FBN2: variants seen among roughly 807,000 people sequenced by gnomAD.
The protein encoded by FBN2 is fibrillin-2.
FBN2 carries 105 observed loss-of-function variants against 355.6 expected under a neutral mutation model. The ratio of observed to expected loss-of-function variants is 0.30; its 90% CI spans 0.25 to 0.35. The LOEUF is 0.35. Ranked by LOEUF, FBN2 falls within the 10% of genes least tolerant of loss-of-function variation. The pLI, the probability that FBN2 is intolerant of heterozygous loss-of-function variation, is 1.00. For missense variants in FBN2, 3,280 were observed against 3,758.7 expected, an observed-to-expected ratio of 0.87 and a Z score of 3.33; for synonymous variants, 1,350 against 1,301.2, an observed-to-expected ratio of 1.04 and a Z score of -0.81.
In FBN2 at chr5:128,502,287, C is replaced by CA. The variant is rs11306554; in HGVS notation, c.628+16985dup. ...GCTTTTCACTAAAACTTATACAGAACAAAAAAAAAAAAATAATTATAAAGT... is the reference window on the plus strand; with the variant it reads ...GCTTTTCACTAAAACTTATACAGAACAAAAAAAAAAAAAATAATTATAAAGT... On this transcript the variant is annotated intron_variant, in intron 5 of 64. Transcript: ENST00000262464. Among the ~76,000 whole-genome samples the CA allele has an allele frequency of 3.2e-3, 461 of 146,202 alleles. 2 individuals carry two copies. The highest frequency in any genetic ancestry group is 5.4e-3 in the Non-Finnish European group (353 of 65,476).
At chr5:128,448,266 C>G (rs973622994) in intron 6 of FBN2, among the ~76,000 whole-genome samples, 3 of 152,100 alleles carry the variant, frequency 2.0e-5, no homozygotes, top group Non-Finnish European at 4.4e-5. Context: ...TTTCTTCTTT[C>G]CTGCCAATAC....
intron 20 of FBN2, among the ~76,000 whole-genome samples, chr5:128,356,498 T>G (rs1002237406): frequency 2.6e-5 from 4 of 152,242 alleles, no homozygotes; most frequent in African/African-American, 9.6e-5. Context: ...CTATTTGGAA[T>G]ATATATTTAG....
chr5:128,274,874 C>T (rs888540089), intron 59 of FBN2, among the ~76,000 whole-genome samples, 191 bp from the exon 60 acceptor site: 23 of 152,124 alleles, frequency 1.5e-4, no homozygotes, highest in African/African-American at 4.1e-4. Context: ...ATAAATATTA[C>T]GGGCTAGGAT....
intron 16 of FBN2, among the ~76,000 whole-genome samples, chr5:128,368,806 G>C (rs1219622522): frequency 6.6e-6 from 1 of 151,572 alleles, no homozygotes; most frequent in Non-Finnish European, 1.5e-5. Flanking sequence ...TAGTAGCTGG[G>C]ACTACAGGTG....
intron 39 of FBN2, 107 bp downstream of exon 39, chr5:128,311,193 C>T (rs1750046775): frequency 1.7e-6 from 2 of 1,201,234 alleles, no homozygotes; most frequent in African/African-American, 1.5e-5. Flanking sequence ...ATGAACCAAT[C>T]TTAATTGAGC....
chr5:128,428,925 C>A (rs926884674), intron 7 of FBN2, among the ~76,000 whole-genome samples: 3 of 152,176 alleles, frequency 2.0e-5, no homozygotes, highest in African/African-American at 7.2e-5. Context: ...GGGATAATAA[C>A]TCCTCTACCT....
chr5:128,509,681 T>C (rs977321946), intron 5 of FBN2, among the ~76,000 whole-genome samples: 1 of 152,170 alleles, frequency 6.6e-6, no homozygotes, highest in Non-Finnish European at 1.5e-5. Flanking sequence ...TAGTGCTTAA[T>C]ATTTTTGTAT....
intron 8 of FBN2, among the ~76,000 whole-genome samples, chr5:128,404,914 T>A (rs1581267764): frequency 6.6e-6 from 1 of 152,192 alleles, no homozygotes; most frequent in Non-Finnish European, 1.5e-5. Context: ...GCTCATGCCT[T>A]TAATTCCAGC....
In FBN2 at chr5:128,305,823, C is replaced by T. The variant is rs1336552018; in HGVS notation, c.5548G>A (p.Asp1850Asn). Residue 1850 changes from aspartate to asparagine, a missense_variant and splice_region_variant, in exon 43 of 65, where the codon GAT becomes AAT. By Grantham distance (23) the Asp-to-Asn change is conservative (BLOSUM62 1). Transcript: ENST00000262464. ...SYNDLLLVCE[D>N]IDECSNGDNL... ...AAAGGACATACTTTATTCAGATTACCTTCACAAACCAACAGCAGGTCATTG... is the reference window on the plus strand; with the variant it reads ...AAAGGACATACTTTATTCAGATTACTTTCACAAACCAACAGCAGGTCATTG... The T allele has an allele frequency of 6.2e-7, 1 of 1,613,916 alleles. No individual in the cohort carries two copies. Among genetic ancestry groups the T allele is most frequent in the Admixed American group, 1.7e-5 (1 of 60,000 alleles).
intron 39 of FBN2, 70 bp from the exon 40 acceptor site, chr5:128,310,178 C>T: frequency 7.6e-7 from 1 of 1,318,710 alleles, no homozygotes; most frequent in Admixed American, 1.8e-5. Flanking sequence ...ACTTAGATGA[C>T]TGAACAAAGC....
At chr5:128,437,773 TATAGATAG>T (rs68027593) in intron 7 of FBN2, among the ~76,000 whole-genome samples, 28,844 of 148,024 alleles carry the variant, frequency 0.19, 3,065 homozygotes, top group Admixed American at 0.32. Flanking sequence ...AGTATGTATG[TATAGATAG>T]ATAGATAGAT....
intron 11 of FBN2, among the ~76,000 whole-genome samples, chr5:128,385,869 C>A (rs1013538333): frequency 3.3e-5 from 5 of 151,812 alleles, no homozygotes; most frequent in East Asian, 1.9e-4. Flanking sequence ...TGTCCTTTAC[C>A]CATTATTTAA....
At chr5:128,426,948 C>A (rs1292964569) in intron 7 of FBN2, among the ~76,000 whole-genome samples, 1 of 152,194 alleles carries the variant, frequency 6.6e-6, no homozygotes. Context: ...TTGGACTTCT[C>A]TAGCAAAATG....
At chr5:128,479,329 T>C (rs766162137) in intron 5 of FBN2, among the ~76,000 whole-genome samples, 3 of 152,188 alleles carry the variant, frequency 2.0e-5, no homozygotes, top group Non-Finnish European at 2.9e-5. Flanking sequence ...TATATTCCTG[T>C]GTAGGCCTTT....
intron 7 of FBN2, among the ~76,000 whole-genome samples, chr5:128,427,807 T>G (rs55772982): frequency 2.4e-4 from 36 of 152,280 alleles, no homozygotes; most frequent in Non-Finnish European, 5.1e-4. Context: ...CTGCCTGATT[T>G]TCCCTGCTGG....
chr5:128,287,409 T>C lies in FBN2; in HGVS notation c.6779A>G (p.Asn2260Ser). 1 of 1,613,988 alleles carries C rather than the reference T, an allele frequency of 6.2e-7. No individual in the cohort carries two copies. The highest frequency in any genetic ancestry group is 8.5e-7 in the Non-Finnish European group (1 of 1,179,902). ...GCAGCGGAAAGCACACAGCAGTGGG[T>C]TCTGGGCACATTCGTTGATATCTGA... ...NCEDINECAQ[N>S]PLLCAFRCMN... The change falls in exon 54 of 65, where the codon AAC (asparagine) becomes AGC (serine). Residue 2260 changes from asparagine to serine, a missense_variant. By Grantham distance (46) the Asn-to-Ser change is conservative. Transcript: ENST00000262464.
At chr5:128,458,768 G>A (rs1328921452) in intron 6 of FBN2, among the ~76,000 whole-genome samples, 1 of 152,012 alleles carries the variant, frequency 6.6e-6, no homozygotes, top group African/African-American at 2.4e-5. Flanking sequence ...AAGAGACAAC[G>A]TACCAGAATC....
chr5:128,438,973 TACAC>T (rs939771046), intron 7 of FBN2, among the ~76,000 whole-genome samples: 1 of 151,878 alleles, frequency 6.6e-6, no homozygotes. Flanking sequence ...CACACACACA[TACAC>T]ACACACACTT....
intron 5 of FBN2, among the ~76,000 whole-genome samples, chr5:128,487,975 T>C (rs1327737495): frequency 6.6e-6 from 1 of 152,164 alleles, no homozygotes; most frequent in Non-Finnish European, 1.5e-5. Context: ...AAACAGAATG[T>C]AGACTTAAAT....
Sources: gnomAD v4.1 joint callset for allele counts (sites outside exome capture counted in the v4.1 genomes callset) on GRCh38, gnomAD v4.1.1 for gene constraint, MANE v1.5 for transcripts, NCBI Gene and HGNC (gene_info 2026-07-23, HGNC 2026-07-21) for gene names.